Variants in THSD7B observed in about 807,000 individuals in gnomAD.
THSD7B encodes thrombospondin type 1 domain containing 7B, also known as thrombospondin type-1 domain-containing protein 7B.
THSD7B carries 138 observed loss-of-function variants against 213.6 expected under a neutral mutation model. That is an observed-to-expected ratio of 0.65 (90% CI 0.56 to 0.74). The LOEUF is 0.74. Among genes scored for constraint, THSD7B ranks in the 30% least tolerant of loss-of-function variants. THSD7B has a pLI of 0.00. For missense variants in THSD7B, 1,931 were observed against 1,991.5 expected (o/e 0.97, Z 0.58); for synonymous variants, 742 against 687.0 (o/e 1.08, Z -1.25).
intron 15 of THSD7B, among the ~76,000 whole-genome samples, chr2:137,496,205 A>T (rs1033692049): frequency 6.6e-6 from 1 of 152,152 alleles, no homozygotes; most frequent in Non-Finnish European, 1.5e-5. Flanking sequence ...TCAGTTAATG[A>T]GCCCTCTCAT....
intron 2 of THSD7B, among the ~76,000 whole-genome samples, chr2:137,025,885 C>A (rs1686545180): frequency 6.6e-6 from 1 of 152,060 alleles, no homozygotes; most frequent in African/African-American, 2.4e-5. Context: ...AGTTAGATAT[C>A]AGCCATCTCT....
intron 1 of THSD7B, among the ~76,000 whole-genome samples, chr2:136,774,747 C>T (rs971502664): frequency 1.3e-5 from 2 of 152,122 alleles, no homozygotes; most frequent in Middle Eastern, 3.4e-3. Context: ...AAGGCTATAT[C>T]GTGTAAGAGT....
chr2:136,959,447 T>A lies in THSD7B; in HGVS notation c.139+77130T>A, dbSNP rs961483311. On this transcript the variant is annotated intron_variant, in intron 2 of 27. Coordinates refer to ENST00000409968, the MANE Select transcript of THSD7B (RefSeq NM_001316349.2). ...TCATAGAACTTCCTATTCTCTGAAT[T>A]TACTATTTCACTTTTGCCCCTAAAA... is the stretch of plus-strand genomic sequence containing the variant. Among the ~76,000 whole-genome samples, 3 of 152,234 alleles carry A rather than the reference T, an allele frequency of 2.0e-5. No individual in the cohort carries two copies. In the East Asian group the frequency reaches 5.8e-4, roughly 29 times the overall value.
chr2:136,791,288 C>G (rs917729410), intron 1 of THSD7B, among the ~76,000 whole-genome samples: 1 of 151,858 alleles, frequency 6.6e-6, no homozygotes, highest in Non-Finnish European at 1.5e-5. Context: ...AATAGTTATG[C>G]AACCATCTCC....
chr2:137,269,432 G>A (rs1682682737), intron 10 of THSD7B, among the ~76,000 whole-genome samples: 1 of 152,254 alleles, frequency 6.6e-6, no homozygotes, highest in African/African-American at 2.4e-5. Context: ...GTAAAAGGGA[G>A]ACATACTGAT....
intron 7 of THSD7B, among the ~76,000 whole-genome samples, chr2:137,182,782 C>T (rs1680479682): frequency 6.6e-6 from 1 of 152,118 alleles, no homozygotes; most frequent in South Asian, 2.1e-4. Context: ...ATCGTGTATA[C>T]TGTGTATCAC....
At chr2:137,080,458 C>T (rs1687726141) in intron 3 of THSD7B, among the ~76,000 whole-genome samples, 1 of 146,186 alleles carries the variant, frequency 6.8e-6, no homozygotes, top group African/African-American at 2.5e-5. Context: ...AAGTCATTTG[C>T]TTGCCTTGGC....
intron 9 of THSD7B, among the ~76,000 whole-genome samples, chr2:137,236,962 T>C (rs1316720711): frequency 1.3e-5 from 2 of 151,848 alleles, no homozygotes; most frequent in Non-Finnish European, 2.9e-5. Flanking sequence ...AATACAAAAA[T>C]TAGCCAGGAG....
At chr2:137,198,624 G>A (rs1680814308) in intron 7 of THSD7B, among the ~76,000 whole-genome samples, 1 of 152,052 alleles carries the variant, frequency 6.6e-6, no homozygotes, top group Non-Finnish European at 1.5e-5. Flanking sequence ...CTACATATAT[G>A]CACTTTAAGT....
intron 2 of THSD7B, among the ~76,000 whole-genome samples, chr2:137,045,105 T>G (rs1237105459): frequency 6.6e-6 from 1 of 152,216 alleles, no homozygotes; most frequent in Admixed American, 6.5e-5. Flanking sequence ...AGGATGAATT[T>G]CTTTTTCCTT....
At chr2:137,204,206 A>G (rs1680936107) in intron 7 of THSD7B, among the ~76,000 whole-genome samples, 1 of 152,120 alleles carries the variant, frequency 6.6e-6, no homozygotes, top group Non-Finnish European at 1.5e-5. Context: ...TTAGAGTGAC[A>G]CTTTTATTTA....
intron 7 of THSD7B, among the ~76,000 whole-genome samples, chr2:137,197,484 C>T (rs931080247): frequency 2.0e-5 from 3 of 151,950 alleles, no homozygotes; most frequent in African/African-American, 7.3e-5. Context: ...GGCTAAATCA[C>T]CACCAAAAGA....
In THSD7B at chr2:136,786,665, G is replaced by A. The variant is rs568246040; in HGVS notation, c.-36+20978G>A. On this transcript the variant is annotated intron_variant, in intron 1 of 27. Transcript: ENST00000409968. Reference sequence around the variant, plus strand: ...TTCAGATTGCACCATATCGGAATGCGCATGGTCTCTGTGATGCTAAAAATA... The same window carrying A: ...TTCAGATTGCACCATATCGGAATGCACATGGTCTCTGTGATGCTAAAAATA... 4.6e-5 allele frequency among the ~76,000 whole-genome samples: 7 copies of A among 152,164 alleles called. No homozygotes were observed. The South Asian group carries it at 1.0e-3, about 23-fold the overall frequency.
At chr2:137,271,995 C>T (rs1008826185) in intron 10 of THSD7B, among the ~76,000 whole-genome samples, 27 of 152,062 alleles carry the variant, frequency 1.8e-4, no homozygotes, top group African/African-American at 6.3e-4. Flanking sequence ...CTGCCTCTTT[C>T]CTAAATTCCA....
rs190056342 is a variant in THSD7B, at chr2:137,659,529, A to G, written c.4376-135A>G. Reference sequence around the variant, plus strand: ...ATCAATAAAATAGGCTTGGACCACAATGTTGGCAAATAGATTTTTCAAAAA... The same window carrying G: ...ATCAATAAAATAGGCTTGGACCACAGTGTTGGCAAATAGATTTTTCAAAAA... On this transcript the variant is annotated intron_variant, in intron 24 of 27. Transcript: ENST00000409968. 1.4e-4 allele frequency: 106 copies of G among 742,542 alleles called. No homozygotes were observed. In the African/African-American group the frequency reaches 1.5e-3, roughly 10 times the overall value. The allele number at this position is 742,542 out of a possible 1,614,324, so 46.0% of individuals were successfully genotyped here. A position where few individuals can be genotyped will look rare whatever the true frequency, so the allele number is the denominator to read the frequency against.
chr2:136,794,213 A>T (rs1025392556), intron 1 of THSD7B, among the ~76,000 whole-genome samples: 1 of 151,160 alleles, frequency 6.6e-6, no homozygotes, highest in African/African-American at 2.4e-5. Context: ...TGTGTCATTA[A>T]TTTTTATCTT....
At chr2:136,839,155 A>G (rs1051903713) in intron 1 of THSD7B, among the ~76,000 whole-genome samples, 2 of 152,220 alleles carry the variant, frequency 1.3e-5, no homozygotes, top group African/African-American at 4.8e-5. Context: ...TTCCTAGACT[A>G]TGCTTTGAGG....
intron 17 of THSD7B, among the ~76,000 whole-genome samples, chr2:137,574,590 TG>T (rs1681420715): frequency 1.3e-5 from 2 of 152,146 alleles, no homozygotes; most frequent in South Asian, 4.1e-4. Context: ...CACTTGTCCA[TG>T]GCCACTCAGG....
intron 12 of THSD7B, among the ~76,000 whole-genome samples, chr2:137,359,974 A>G (rs947569202): frequency 5.3e-5 from 8 of 152,216 alleles, no homozygotes; most frequent in African/African-American, 1.9e-4. Flanking sequence ...GTGAAATCCA[A>G]TCATAGGAAT....
Sources: gnomAD v4.1 joint callset for allele counts (sites outside exome capture counted in the v4.1 genomes callset) on GRCh38, gnomAD v4.1.1 for gene constraint, MANE v1.5 for transcripts, NCBI Gene and HGNC (gene_info 2026-07-23, HGNC 2026-07-21) for gene names.